The following ZNF107 variants were observed in gnomAD, a reference collection of about 807,000 sequenced individuals.
ZNF107 encodes zinc finger protein 107.
ZNF107 carries 19 observed loss-of-function variants against 12.3 expected under a neutral mutation model. The observed-to-expected ratio is 1.55, with a 90% confidence interval of 1.08 to 2.27. The LOEUF (loss-of-function observed/expected upper bound fraction) is 2.27, where lower values mean the gene tolerates loss of function less well. Among genes scored for constraint, ZNF107 ranks in the 30% most tolerant of loss-of-function variants. The pLI is 0.00. For missense variants in ZNF107, 958 were observed against 979.9 expected (o/e 0.98, Z 0.30); for synonymous variants, 317 against 330.5 (o/e 0.96, Z 0.44).
chr7:64,699,839 C>T (rs568495061), intron 3 of ZNF107, among the ~76,000 whole-genome samples: 9 of 152,118 alleles, frequency 5.9e-5, no homozygotes, highest in African/African-American at 1.9e-4. Context: ...GAGGCCGAGG[C>T]GGGCGGACCA....
chr7:64,706,244 A>G, intron 3 of ZNF107, 80 bp from the exon 4 acceptor site: 1 of 1,267,562 alleles, frequency 7.9e-7, no homozygotes, highest in Non-Finnish European at 1.0e-6. Context: ...TGTAGTTTGT[A>G]TAATTTTATA....
chr7:64,691,466 C>T (rs947996382), intron 2 of ZNF107, 92 bp downstream of exon 2: 1 of 1,145,710 alleles, frequency 8.7e-7, no homozygotes, highest in Non-Finnish European at 1.1e-6. Flanking sequence ...TTATGCTTTG[C>T]ATAAATGAGT....
In ZNF107 at chr7:64,706,584, TATAAG is replaced by T. The variant is rs1349824686; in HGVS notation, c.489_493del (p.Tyr163Ter). 13 of 1,611,272 alleles carry T rather than the reference TATAAG, an allele frequency of 8.1e-6. No homozygotes were observed. The Admixed American group carries it at 1.3e-4, about 17-fold the overall frequency. ...TGATAAATTTTCAAATTCAAATAGA[TATAAG>T]AGAAGACATACAGGAAACAAACACT... On this transcript the variant is annotated frameshift_variant, in exon 4 of 4. Transcript: ENST00000620827. LOFTEE classifies it low-confidence loss of function (END_TRUNC).
chr7:64,685,124 T>C (rs989605439), intron 1 of ZNF107, among the ~76,000 whole-genome samples: 1 of 152,168 alleles, frequency 6.6e-6, no homozygotes, highest in South Asian at 2.1e-4. Context: ...GGTCGTGCAG[T>C]TCAACTTTTA....
intron 3 of ZNF107, 25 bp from the exon 4 acceptor site, chr7:64,706,299 A>G (rs773279446): frequency 6.7e-7 from 1 of 1,495,460 alleles, no homozygotes; most frequent in Non-Finnish European, 8.9e-7. Flanking sequence ...CAAGTGGAGT[A>G]ATTTATTATT....
intron 1 of ZNF107, among the ~76,000 whole-genome samples, chr7:64,674,124 G>GTT (rs72574121): frequency 4.1e-5 from 6 of 147,038 alleles, no homozygotes; most frequent in Non-Finnish European, 7.5e-5. Context: ...TAAAATAGGT[G>GTT]TTTTTTTTTT....
intron 1 of ZNF107, among the ~76,000 whole-genome samples, chr7:64,672,653 G>A (rs1432827041): frequency 3.9e-5 from 6 of 152,250 alleles, no homozygotes; most frequent in South Asian, 2.1e-4. Flanking sequence ...GTGAGCCACC[G>A]TGCCCTACCA....
At position 64,694,944 on chromosome 7, in the gene ZNF107, G is replaced by A. The variant is rs779881991; in HGVS notation, c.226+2984G>A. Among the ~76,000 whole-genome samples, 32 of 151,978 alleles carry A rather than the reference G, an allele frequency of 2.1e-4. No homozygotes were observed. The South Asian group carries it at 3.3e-3, about 16-fold the overall frequency. ...TACTTACAAATTTGAGCTAGCTGTC[G>A]TTATAAACAAATTATAGGATTTTCA... On this transcript the variant is annotated intron_variant, in intron 3 of 3. Transcript: ENST00000620827.
chr7:64,694,007 C>T (rs368426527), intron 3 of ZNF107, among the ~76,000 whole-genome samples: 3 of 152,074 alleles, frequency 2.0e-5, no homozygotes, highest in Non-Finnish European at 4.4e-5. Flanking sequence ...TGGCTGGTCT[C>T]GAACTCCTGA....
chr7:64,673,588 G>T (rs1342785881), intron 1 of ZNF107, among the ~76,000 whole-genome samples: 1 of 152,150 alleles, frequency 6.6e-6, no homozygotes, highest in Non-Finnish European at 1.5e-5. Context: ...CATCCTATTT[G>T]TCAGTTTTAG....
chr7:64,692,452 ATGT>A (rs2128963161), intron 3 of ZNF107, among the ~76,000 whole-genome samples: 1 of 152,194 alleles, frequency 6.6e-6, no homozygotes, highest in South Asian at 2.1e-4. Context: ...ATAAACTATG[ATGT>A]TCTTCTGCTT....
In ZNF107 at chr7:64,707,082, A is replaced by G; in HGVS notation, c.985A>G (p.Thr329Ala). 6.2e-7 allele frequency: 1 copy of G among 1,611,670 alleles called. No homozygotes were observed. Among genetic ancestry groups the G allele is most frequent in the Non-Finnish European group, 8.5e-7 (1 of 1,179,294 alleles). Residue 329 changes from threonine (T) to alanine (A), a missense_variant, in exon 4 of 4, where the codon ACT (threonine) becomes GCT (alanine). Coordinates refer to ENST00000620827, the MANE Select transcript of ZNF107 (RefSeq NM_001282359.2). ...GKAFNLFSNL[T>A]NHKRIHAGEK... The stretch of plus-strand genomic sequence containing the variant: ...AGCTTTTAACCTATTCTCAAATCTT[A>G]CTAACCATAAGAGAATTCATGCTGG...
intron 1 of ZNF107, among the ~76,000 whole-genome samples, chr7:64,672,718 T>A (rs143943366): frequency 6.6e-6 from 1 of 152,160 alleles, no homozygotes; most frequent in Non-Finnish European, 1.5e-5. Context: ...TGATTCCGTA[T>A]CTTTGCTATG....
rs995208190 is a variant in ZNF107 at position 64,706,252 on chromosome 7, A to G, written c.227-72A>G. 4.1e-5 allele frequency: 51 copies of G among 1,251,566 alleles called. No homozygotes were observed. The East Asian group carries it at 1.3e-3, about 33-fold the overall frequency. 77.5% of individuals were successfully genotyped at this position (1,251,566 alleles called of 1,614,324 possible). A position where few individuals can be genotyped will look rare whatever the true frequency, so the allele number is the denominator to read the frequency against. On this transcript the variant is annotated intron_variant, in intron 3 of 3. Transcript: ENST00000620827. ...TGGCTTATGTAGTTTGTATAATTTT[A>G]TAGATTAGATTTTAAAGTACATTTA...
chr7:64,709,992 GT>G lies in ZNF107; in HGVS notation c.*1337del, dbSNP rs1188834874. The G allele has an allele frequency of 4.0e-6, 1 of 248,392 alleles. No individual in the cohort carries two copies. The highest frequency in any genetic ancestry group is 4.1e-5 in the South Asian group (1 of 24,604). 15.4% of individuals were successfully genotyped at this position (248,392 alleles called of 1,614,324 possible). A position where few individuals can be genotyped will look rare whatever the true frequency, so the allele number is the denominator to read the frequency against. On this transcript the variant is annotated 3_prime_UTR_variant, in exon 4 of 4. Coordinates refer to ENST00000620827, the MANE Select transcript of ZNF107 (RefSeq NM_001282359.2). The stretch of plus-strand genomic sequence containing the variant: ...ATTTTACAAAAATTAGCTGCGTGTG[GT>G]GGCAGGCCCCTGTAATCCCAGCTAA...
chr7:64,708,554 T>C lies in ZNF107; in HGVS notation c.2457T>C (p.Cys819=). 6.2e-7 allele frequency: 1 copy of C among 1,612,794 alleles called. No homozygotes were observed. The highest frequency in any genetic ancestry group is 1.1e-5 in the South Asian group (1 of 90,974). The part of the protein sequence containing the change: ...IIHTGEKPYK[C]GDYGRAFNLS... ...ATACTGGAGAGAAACCCTACAAATG[T>C]GGAGATTATGGCAGAGCTTTCAACC... Residue 819 remains cysteine, a synonymous_variant, in exon 4 of 4, where the codon TGT becomes TGC. Transcript: ENST00000620827.
Position 64,708,739 on chromosome 7 carries a change from C to T in ZNF107, c.*83C>T. On this transcript the variant is annotated 3_prime_UTR_variant, in exon 4 of 4. Coordinates refer to ENST00000620827, the MANE Select transcript of ZNF107 (RefSeq NM_001282359.2). The stretch of plus-strand genomic sequence containing the variant: ...GTGAAGAATGTGTTAAAGCCTTTAA[C>T]AAGTCTTCAACTTTTTCTGCACACA... 7.3e-7 allele frequency: 1 copy of T among 1,371,912 alleles called. No individual in the cohort carries two copies. Among genetic ancestry groups the T allele is most frequent in the Non-Finnish European group, 9.8e-7 (1 of 1,015,856 alleles). 85.0% of individuals were successfully genotyped at this position (1,371,912 alleles called of 1,614,324 possible). A position where few individuals can be genotyped will look rare whatever the true frequency, so the allele number is the denominator to read the frequency against.
chr7:64,709,405 T>C lies in ZNF107; in HGVS notation c.*749T>C, dbSNP rs1790810845. ...AAATGTGAATAATGTGGCAATACTT[T>C]AAACCAATCCTCAAACCTCACTAAA... On this transcript the variant is annotated 3_prime_UTR_variant, in exon 4 of 4. Coordinates refer to ENST00000620827, the MANE Select transcript of ZNF107 (RefSeq NM_001282359.2). 1 of 343,128 alleles carries C rather than the reference T, an allele frequency of 2.9e-6. No individual in the cohort carries two copies. Among genetic ancestry groups the C allele is most frequent in the Non-Finnish European group, 5.6e-6 (1 of 178,536 alleles). 21.3% of individuals were successfully genotyped at this position (343,128 alleles called of 1,614,324 possible). A position where few individuals can be genotyped will look rare whatever the true frequency, so the allele number is the denominator to read the frequency against.
intron 1 of ZNF107, among the ~76,000 whole-genome samples, chr7:64,668,271 G>A (rs1039371707): frequency 2.7e-5 from 4 of 150,932 alleles, no homozygotes; most frequent in South Asian, 2.1e-4. Context: ...TCGTCATTTA[G>A]CATTAGGTAT....
Sources: gnomAD v4.1 joint callset for allele counts (sites outside exome capture counted in the v4.1 genomes callset) on GRCh38, gnomAD v4.1.1 for gene constraint, MANE v1.5 for transcripts, NCBI Gene and HGNC (gene_info 2026-07-23, HGNC 2026-07-21) for gene names.